ZFYVE28: variants seen among roughly 807,000 people sequenced by gnomAD.
ZFYVE28 encodes lateral signaling target protein 2 homolog.
ZFYVE28 carries 40 observed loss-of-function variants against 82.1 expected under a neutral mutation model. The observed-to-expected ratio is 0.49, with a 90% CI of 0.38 to 0.63. ZFYVE28 has a LOEUF of 0.63. ZFYVE28 is among the 30% of genes least tolerant of loss of function. The pLI is 0.00. For synonymous variants in ZFYVE28, 612 were observed against 546.1 expected (o/e 1.12, Z -1.68); for missense variants, 1,321 against 1,242.1 (o/e 1.06, Z -0.96).
chr4:2,347,888 C>A (rs1424513897), intron 2 of ZFYVE28, among the ~76,000 whole-genome samples: 1 of 151,366 alleles, frequency 6.6e-6, no homozygotes, highest in African/African-American at 2.4e-5. Context: ...AAGTCTACTA[C>A]ATAAAAATAA....
chr4:2,334,797 CT>C (rs1468131896), intron 6 of ZFYVE28, among the ~76,000 whole-genome samples: 2 of 27,966 alleles, frequency 7.2e-5, no homozygotes, highest in African/African-American at 9.4e-4. Flanking sequence ...TCCCCCTCCC[CT>C]CTTCCCCCTC....
intron 2 of ZFYVE28, among the ~76,000 whole-genome samples, chr4:2,351,846 G>C (rs1017151671): frequency 6.6e-6 from 1 of 152,236 alleles, no homozygotes; most frequent in Admixed American, 6.5e-5. Context: ...TTAATTTGTA[G>C]AGTGGCTCGC....
intron 1 of ZFYVE28, chr4:2,364,595 G>T (rs1263608028): frequency 2.0e-6 from 2 of 985,460 alleles, no homozygotes; most frequent in African/African-American, 1.7e-5. Flanking sequence ...CGCCCGGGTG[G>T]GCTCCAGGTT....
At chr4:2,351,220 T>C (rs916974115) in intron 2 of ZFYVE28, among the ~76,000 whole-genome samples, 26 of 152,196 alleles carry the variant, frequency 1.7e-4, no homozygotes, top group African/African-American at 6.0e-4. Flanking sequence ...TGCTGTCCCC[T>C]GCAGAACCTG....
At chr4:2,297,439 G>A (rs1019381938) in intron 8 of ZFYVE28, among the ~76,000 whole-genome samples, 5 of 152,226 alleles carry the variant, frequency 3.3e-5, no homozygotes, top group Non-Finnish European at 4.4e-5. Context: ...GAGTCGCCAG[G>A]TGGGGCGCGG....
intron 1 of ZFYVE28, among the ~76,000 whole-genome samples, chr4:2,371,474 T>C (rs542231472): frequency 6.6e-6 from 1 of 152,288 alleles, no homozygotes; most frequent in South Asian, 2.1e-4. Context: ...ATTTGCAAAA[T>C]AGTCCAGTGA....
At chr4:2,352,880 T>C (rs1321996134) in intron 2 of ZFYVE28, among the ~76,000 whole-genome samples, 1 of 152,102 alleles carries the variant, frequency 6.6e-6, no homozygotes, top group Non-Finnish European at 1.5e-5. Context: ...TGATCCCCCT[T>C]CCTCATCGGT....
At chr4:2,271,552 C>T in intron 11 of ZFYVE28, 123 bp downstream of exon 11, 3 of 1,415,224 alleles carry the variant, frequency 2.1e-6, no homozygotes, top group Non-Finnish European at 3.0e-6. Flanking sequence ...GGGGCGGTCT[C>T]CCAGCTCCCA....
intron 6 of ZFYVE28, among the ~76,000 whole-genome samples, chr4:2,327,090 AAAT>A (rs1350127974): frequency 6.6e-6 from 1 of 151,438 alleles, no homozygotes; most frequent in Non-Finnish European, 1.5e-5. Flanking sequence ...TCTCTACTAA[AAAT>A]ACAAAAATTA....
chr4:2,294,309 G>A (rs1451453945), intron 8 of ZFYVE28, among the ~76,000 whole-genome samples: 2 of 152,176 alleles, frequency 1.3e-5, no homozygotes, highest in African/African-American at 4.8e-5. Flanking sequence ...CATGTGGTCA[G>A]CTGAAGATAA....
chr4:2,277,575 C>A (rs1481086979), intron 8 of ZFYVE28, among the ~76,000 whole-genome samples: 1 of 152,054 alleles, frequency 6.6e-6, no homozygotes, highest in East Asian at 1.9e-4. Context: ...AGAAAACAAT[C>A]CTTAGCCCTT....
rs73205461 is a variant in ZFYVE28 at position 2,404,635 on chromosome 4, C to T, written c.39+13650G>A. ...ACGAAACGTCCAGAACAGGCAAATCCGCAGAGATGGAAAGCCAACTGGAGG... is the reference window on the plus strand; with the variant it reads ...ACGAAACGTCCAGAACAGGCAAATCTGCAGAGATGGAAAGCCAACTGGAGG... On this transcript the variant is annotated intron_variant, in intron 1 of 12. Transcript: ENST00000290974. Among the ~76,000 whole-genome samples, 763 of 152,242 alleles carry T rather than the reference C, an allele frequency of 5.0e-3. 6 individuals are homozygous for T. Among genetic ancestry groups the T allele is most frequent in the South Asian group, 0.025 (121 of 4,820 alleles).
chr4:2,283,169 C>T (rs1005431035), intron 8 of ZFYVE28, among the ~76,000 whole-genome samples: 1 of 146,588 alleles, frequency 6.8e-6, no homozygotes, highest in South Asian at 2.3e-4. Flanking sequence ...TCCATCCATC[C>T]ACCCATCCAT....
At chr4:2,377,918 GTAGA>G (rs1362742339) in intron 1 of ZFYVE28, among the ~76,000 whole-genome samples, 1 of 152,208 alleles carries the variant, frequency 6.6e-6, no homozygotes, top group Non-Finnish European at 1.5e-5. Flanking sequence ...AGGCTACATG[GTAGA>G]GCCTGTTGCT....
Position 2,304,946 on chromosome 4 carries a change from G to A in ZFYVE28, c.1394C>T (p.Ala465Val), listed in dbSNP as rs1377258241. 1.9e-6 allele frequency: 3 copies of A among 1,612,558 alleles called. No individual in the cohort carries two copies. Among genetic ancestry groups the A allele is most frequent in the Non-Finnish European group, 2.5e-6 (3 of 1,179,878 alleles). The change falls in exon 8 of 13, where the codon GCC becomes GTC. Residue 465 changes from alanine (A) to valine (V), a missense_variant. Around this residue, in one of 2 missense-constraint regions of ZFYVE28, gnomAD observed 978 missense variants for 833.7 expected, o/e 1.17. Coordinates refer to ENST00000290974, the MANE Select transcript of ZFYVE28 (RefSeq NM_020972.3). ...EEDLSNNNLE[A>V]EGTDGASLAG... The stretch of plus-strand genomic sequence containing the variant: ...GAGGCTGGCCCCATCTGTGCCCTCG[G>A]CCTCGAGATTGTTGTTGCTCAAGTC...
intron 2 of ZFYVE28, among the ~76,000 whole-genome samples, chr4:2,350,036 C>CAG (rs1300823797): frequency 3.2e-5 from 3 of 94,092 alleles, no homozygotes; most frequent in African/African-American, 2.1e-4. Context: ...GACACACAGA[C>CAG]ACACACACAC....
chr4:2,408,663 T>C lies in ZFYVE28; in HGVS notation c.39+9622A>G, dbSNP rs1387193500. 1.3e-5 allele frequency among the ~76,000 whole-genome samples: 2 copies of C among 150,688 alleles called. No homozygotes were observed. On this transcript the variant is annotated intron_variant, in intron 1 of 12. Transcript: ENST00000290974. This position sits in a 1 kb window ranked among gnomAD's most constrained non-coding sequence, Gnocchi z 4.3. The stretch of plus-strand genomic sequence containing the variant: ...ATGATGGCGCCCCATCCAGATAGAG[T>C]CCCGCCCAGATGAGTACCACCCAGG...
intron 8 of ZFYVE28, among the ~76,000 whole-genome samples, chr4:2,293,761 A>G (rs1375804804): frequency 6.6e-6 from 1 of 151,468 alleles, no homozygotes; most frequent in Non-Finnish European, 1.5e-5. Context: ...TCAAAAAAAA[A>G]AAAAAAAAAA....
rs1164953978 is a variant in ZFYVE28 at position 2,335,121 on chromosome 4, A to T, written c.701+584T>A. On this transcript the variant is annotated intron_variant, in intron 6 of 12. Transcript: ENST00000290974. This position sits in a 1 kb window ranked among gnomAD's most constrained non-coding sequence, Gnocchi z 5.8. ...ACGTCCTTGAGCCCCACAGGACCCT[A>T]CAGGCTGCCTTGAGTTCCCTGCTCT... Among the ~76,000 whole-genome samples the T allele has an allele frequency of 6.6e-6, 1 of 151,296 alleles. No individual in the cohort carries two copies. Among genetic ancestry groups the T allele is most frequent in the Non-Finnish European group, 1.5e-5 (1 of 67,806 alleles).
Sources: allele counts gnomAD v4.1 joint callset (sites outside exome capture counted in the v4.1 genomes callset), GRCh38; gene constraint gnomAD v4.1.1; regional missense constraint gnomAD v4.1.1; non-coding constraint Gnocchi (gnomAD v3.1); transcripts MANE v1.5; gene names NCBI Gene and HGNC (gene_info 2026-07-23, HGNC 2026-07-21).